The following OLFM2 variants were observed in gnomAD, a reference collection of about 807,000 sequenced individuals.
The protein encoded by OLFM2 is noelin-2.
Under a neutral mutation model 43.9 loss-of-function variants are expected in OLFM2, and 20 were observed. The observed-to-expected ratio is 0.46, with a 90% CI of 0.32 to 0.66. OLFM2 has a LOEUF of 0.66. Ranked by LOEUF, OLFM2 falls within the 30% of genes least tolerant of loss-of-function variation. The pLI, the probability that OLFM2 is intolerant of heterozygous loss-of-function variation, is 0.04. For missense variants in OLFM2, 416 were observed against 643.6 expected (o/e 0.65, Z 3.83); for synonymous variants, 268 against 278.6 (o/e 0.96, Z 0.38).
At chr19:9,924,102 A>AC (rs1477169600) in intron 1 of OLFM2, among the ~76,000 whole-genome samples, 1 of 115,724 alleles carries the variant, frequency 8.6e-6, no homozygotes, top group Non-Finnish European at 1.6e-5. Context: ...CCTCGTCTCT[A>AC]CAAAAAAAAA....
rs769684276 is a variant in OLFM2 at position 9,856,813 on chromosome 19, A to G, written c.681T>C (p.Asp227=). The G allele has an allele frequency of 3.1e-6, 5 of 1,612,888 alleles. No homozygotes were observed. The highest frequency in any genetic ancestry group is 2.2e-5 in the East Asian group (1 of 44,872). Residue 227 remains aspartate, a synonymous_variant, in exon 5 of 6, where the codon GAT becomes GAC. Coordinates refer to ENST00000264833, the MANE Select transcript of OLFM2 (RefSeq NM_058164.4). This position sits in a 1 kb window ranked among gnomAD's most constrained non-coding sequence, Gnocchi z 4.0. Reference sequence around the variant, plus strand: ...GGTGGGCGCAGTCACTCACCCGGCTATCCGCACTGGGGGCCATCGTGTCAG... The same window carrying G: ...GGTGGGCGCAGTCACTCACCCGGCTGTCCGCACTGGGGGCCATCGTGTCAG... ...WMTDTMAPSA[D]SRVWYMDGYY...
chr19:9,889,198 G>A (rs977367000), intron 1 of OLFM2, among the ~76,000 whole-genome samples: 2 of 152,124 alleles, frequency 1.3e-5, no homozygotes, highest in African/African-American at 4.8e-5. Flanking sequence ...GGAGTGAGCT[G>A]TGGCCATGTG....
intron 1 of OLFM2, among the ~76,000 whole-genome samples, chr19:9,882,233 C>T (rs2046545632): frequency 1.3e-5 from 2 of 148,570 alleles, no homozygotes; most frequent in African/African-American, 5.0e-5. Flanking sequence ...GAGTGAGACC[C>T]TGTCTCAAAA....
intron 1 of OLFM2, among the ~76,000 whole-genome samples, chr19:9,922,769 G>A (rs1186962758): frequency 6.6e-6 from 1 of 151,730 alleles, no homozygotes; most frequent in Non-Finnish European, 1.5e-5. Context: ...AAATTCGCCA[G>A]GAGTGGTGCT....
At chr19:9,926,165 G>C (rs1339958999) in intron 1 of OLFM2, among the ~76,000 whole-genome samples, 1 of 151,096 alleles carries the variant, frequency 6.6e-6, no homozygotes, top group Non-Finnish European at 1.5e-5. Context: ...TTAAAAAAAA[G>C]CTGAAAACAA....
intron 1 of OLFM2, among the ~76,000 whole-genome samples, chr19:9,867,295 C>G (rs925343993): frequency 6.6e-6 from 1 of 152,174 alleles, no homozygotes; most frequent in Non-Finnish European, 1.5e-5. Context: ...TGCTTGAACC[C>G]AGGAGGCAGA....
At chr19:9,917,065 C>G (rs1040365133) in intron 1 of OLFM2, among the ~76,000 whole-genome samples, 1 of 152,152 alleles carries the variant, frequency 6.6e-6, no homozygotes, top group African/African-American at 2.4e-5. Context: ...CACACCCACT[C>G]TCAAGGTTTT....
intron 1 of OLFM2, among the ~76,000 whole-genome samples, chr19:9,882,500 T>C (rs2046547746): frequency 6.6e-6 from 1 of 151,648 alleles, no homozygotes; most frequent in South Asian, 2.1e-4. Flanking sequence ...ACCGCACCAC[T>C]GCACTCCAGC....
intron 1 of OLFM2, among the ~76,000 whole-genome samples, chr19:9,892,531 C>T (rs1201813235): frequency 6.6e-6 from 1 of 152,060 alleles, no homozygotes; most frequent in East Asian, 1.9e-4. Context: ...GCCAACATGG[C>T]AAAACCCTGT....
At chr19:9,874,273 C>A in intron 1 of OLFM2, among the ~76,000 whole-genome samples, 1 of 149,914 alleles carries the variant, frequency 6.7e-6, no homozygotes, top group Non-Finnish European at 1.5e-5. Flanking sequence ...TTTTTTCTGA[C>A]CTTGACAGTT....
intron 1 of OLFM2, among the ~76,000 whole-genome samples, chr19:9,907,780 G>A (rs1163947799): frequency 1.3e-5 from 2 of 152,238 alleles, no homozygotes; most frequent in South Asian, 4.1e-4. Context: ...GAGGTGAGTG[G>A]ATCACTTGAG....
intron 1 of OLFM2, among the ~76,000 whole-genome samples, chr19:9,884,454 G>A (rs898976064): frequency 8.6e-5 from 13 of 152,040 alleles, no homozygotes; most frequent in African/African-American, 3.1e-4. Context: ...GCAGGTGCCT[G>A]TAGTCCCAGC....
At chr19:9,932,804 A>G (rs1252173235) in intron 1 of OLFM2, among the ~76,000 whole-genome samples, 1 of 152,144 alleles carries the variant, frequency 6.6e-6, no homozygotes, top group African/African-American at 2.4e-5. Flanking sequence ...TCTTTTCCAC[A>G]AGGAAAATAG....
Position 9,872,531 on chromosome 19 carries a change from A to G in OLFM2, c.64-11737T>C, listed in dbSNP as rs75765822. Among the ~76,000 whole-genome samples the G allele has an allele frequency of 1.0e-2, 1,502 of 150,354 alleles. 23 individuals are homozygous for G. The highest frequency in any genetic ancestry group is 0.028 in the African/African-American group (1,152 of 41,128). On this transcript the variant is annotated intron_variant, in intron 1 of 5. Coordinates refer to ENST00000264833, the MANE Select transcript of OLFM2 (RefSeq NM_058164.4). ...CCCTGTCTCAAAAGAAAAAAAAAAA[A>G]ATATTAGTTCACCCGCGCCATGCTG...
At chr19:9,920,532 T>C (rs1161955078) in intron 1 of OLFM2, among the ~76,000 whole-genome samples, 1 of 151,976 alleles carries the variant, frequency 6.6e-6, no homozygotes, top group African/African-American at 2.4e-5. Flanking sequence ...CAGAAATATC[T>C]CAAGAAAGTG....
At chr19:9,904,349 C>G (rs765010725) in intron 1 of OLFM2, among the ~76,000 whole-genome samples, 3 of 151,924 alleles carry the variant, frequency 2.0e-5, no homozygotes, top group Non-Finnish European at 4.4e-5. Context: ...TACCACCACG[C>G]CCAGCTAATT....
chr19:9,900,516 C>G lies in OLFM2; in HGVS notation c.63+35788G>C, dbSNP rs375749410. ...AATAAAAACCACGGTCTCTACCACG[C>G]ACTGCACCCTTCCTTGTGCCGGGCA... On this transcript the variant is annotated intron_variant, in intron 1 of 5. Transcript: ENST00000264833. Among the ~76,000 whole-genome samples, 14 of 152,186 alleles carry G rather than the reference C, an allele frequency of 9.2e-5. No homozygotes were observed. In the East Asian group the frequency reaches 2.5e-3, roughly 27 times the overall value.
In OLFM2 at chr19:9,857,123, G is replaced by T; in HGVS notation, c.580+140C>A. Reference sequence around the variant, plus strand: ...TTTCCAGCTTCTGGACTCAAGTGTAGCCTTAGGTAGGAAGGTCAAGGGTTG... The same window carrying T: ...TTTCCAGCTTCTGGACTCAAGTGTATCCTTAGGTAGGAAGGTCAAGGGTTG... On this transcript the variant is annotated intron_variant, in intron 4 of 5. Coordinates refer to ENST00000264833, the MANE Select transcript of OLFM2 (RefSeq NM_058164.4). This position sits in a 1 kb window ranked among gnomAD's most constrained non-coding sequence, Gnocchi z 5.7. 1.1e-6 allele frequency: 1 copy of T among 906,610 alleles called. No individual in the cohort carries two copies. The highest frequency in any genetic ancestry group is 1.7e-6 in the Non-Finnish European group (1 of 571,738). The allele number at this position is 906,610 out of a possible 1,614,324, so 56.2% of individuals were successfully genotyped here.
intron 1 of OLFM2, among the ~76,000 whole-genome samples, chr19:9,917,395 C>CT (rs2086390978): frequency 6.6e-6 from 1 of 151,692 alleles, no homozygotes; most frequent in African/African-American, 2.4e-5. Context: ...CATGCCCTGC[C>CT]CTTCCCCCAG....
Sources: gnomAD v4.1 joint callset for allele counts (sites outside exome capture counted in the v4.1 genomes callset) on GRCh38, gnomAD v4.1.1 for gene constraint, Gnocchi (gnomAD v3.1) non-coding constraint, MANE v1.5 for transcripts, NCBI Gene and HGNC (gene_info 2026-07-23, HGNC 2026-07-21) for gene names.